The following BPTF variants were observed in gnomAD, a reference collection of about 807,000 sequenced individuals.
The protein encoded by BPTF is nucleosome-remodeling factor subunit BPTF.
BPTF carries 18 observed loss-of-function variants against 292.5 expected under a neutral mutation model. The observed-to-expected ratio is 0.06, with a 90% CI of 0.04 to 0.09. The LOEUF is 0.09. Among genes scored for constraint, BPTF ranks in the 10% least tolerant of loss-of-function variants. The pLI is 1.00. For synonymous variants in BPTF, 1,225 were observed against 1,251.9 expected (o/e 0.98, Z 0.45); for missense variants, 2,726 against 3,498.7 (o/e 0.78, Z 5.57).
At chr17:67,855,382 C>T (rs572838225) in intron 2 of BPTF, among the ~76,000 whole-genome samples, 3 of 152,316 alleles carry the variant, frequency 2.0e-5, no homozygotes, top group East Asian at 3.9e-4. Flanking sequence ...TATAGCCTAG[C>T]TCAGCTCATC....
intron 4 of BPTF, among the ~76,000 whole-genome samples, chr17:67,877,935 C>A (rs538650751): frequency 5.9e-5 from 9 of 152,302 alleles, no homozygotes; most frequent in African/African-American, 1.7e-4. Flanking sequence ...CACCCAGCAA[C>A]TTTAAAAAAT....
intron 2 of BPTF, among the ~76,000 whole-genome samples, chr17:67,857,477 T>G (rs2058769157): frequency 6.6e-6 from 1 of 151,164 alleles, no homozygotes; most frequent in African/African-American, 2.4e-5. Flanking sequence ...TTTTTTTTTT[T>G]TTTTGAAGAC....
intron 13 of BPTF, among the ~76,000 whole-genome samples, chr17:67,920,842 A>G (rs2063381948): frequency 6.6e-6 from 1 of 152,174 alleles, no homozygotes; most frequent in Non-Finnish European, 1.5e-5. Context: ...TGTAGTATCC[A>G]GATTGAAAAT....
At chr17:67,913,257 A>G (rs2062766009) in intron 11 of BPTF, 70 bp downstream of exon 11, 2 of 1,483,498 alleles carry the variant, frequency 1.3e-6, no homozygotes, top group African/African-American at 1.4e-5. Flanking sequence ...AGAATATCTC[A>G]TTTTTAAAAA....
At chr17:67,970,191 C>T (rs181151674) in intron 26 of BPTF, among the ~76,000 whole-genome samples, 7 of 151,834 alleles carry the variant, frequency 4.6e-5, no homozygotes, top group Admixed American at 4.6e-4. Flanking sequence ...TGAGATCACG[C>T]CATTGCACTC....
intron 4 of BPTF, chr17:67,875,834 A>T: frequency 9.1e-7 from 1 of 1,099,336 alleles, no homozygotes; most frequent in South Asian, 3.4e-5. Context: ...ACCTTAAACT[A>T]TGTGTTCATT....
At chr17:67,971,074 G>A (rs2068705051) in intron 26 of BPTF, among the ~76,000 whole-genome samples, 3 of 152,012 alleles carry the variant, frequency 2.0e-5, no homozygotes, top group Admixed American at 2.0e-4. Context: ...GAGTAGCGGG[G>A]ATGTAGTATA....
At chr17:67,844,076 T>C (rs1382517769) in intron 1 of BPTF, among the ~76,000 whole-genome samples, 1 of 114,220 alleles carries the variant, frequency 8.8e-6, no homozygotes, top group Non-Finnish European at 1.6e-5. Context: ...CCGCCTTTTT[T>C]TTTTTTTTTT....
chr17:67,852,710 G>T (rs780665908), intron 1 of BPTF, among the ~76,000 whole-genome samples: 47 of 152,140 alleles, frequency 3.1e-4, no homozygotes, highest in Non-Finnish European at 5.9e-4. Context: ...TAAATATTTT[G>T]TACTTAAATG....
chr17:67,877,254 A>G (rs1037700558), intron 4 of BPTF, among the ~76,000 whole-genome samples: 1 of 152,160 alleles, frequency 6.6e-6, no homozygotes, highest in African/African-American at 2.4e-5. Flanking sequence ...GACTTAATAG[A>G]GTTCTGACCT....
At chr17:67,875,876 T>G (rs957071120) in intron 4 of BPTF, 2 of 707,530 alleles carry the variant, frequency 2.8e-6, no homozygotes, top group Non-Finnish European at 4.0e-6. Context: ...CATCCCCATT[T>G]GCTAAATTGT....
Position 67,928,335 on chromosome 17 carries a change from C to A in BPTF, c.5752-20C>A. 1 of 1,585,130 alleles carries A rather than the reference C, an allele frequency of 6.3e-7. No homozygotes were observed. The highest frequency in any genetic ancestry group is 8.6e-7 in the Non-Finnish European group (1 of 1,165,592). Reference sequence around the variant, plus strand: ...TTTAGAACTATTTTGATTCATGTTTCCTCTCCTTCACTTTTTTAGAAACGA... The same window carrying A: ...TTTAGAACTATTTTGATTCATGTTTACTCTCCTTCACTTTTTTAGAAACGA... On this transcript the variant is annotated intron_variant, in intron 15 of 27. Coordinates refer to ENST00000306378, the MANE Select transcript of BPTF (RefSeq NM_182641.4).
At chr17:67,859,734 G>A (rs2058962153) in intron 2 of BPTF, among the ~76,000 whole-genome samples, 1 of 152,184 alleles carries the variant, frequency 6.6e-6, no homozygotes, top group African/African-American at 2.4e-5. Context: ...TATCTGCAGT[G>A]AGTATTTATG....
At chr17:67,944,490 C>A in intron 20 of BPTF, 118 bp downstream of exon 20, 1 of 1,098,602 alleles carries the variant, frequency 9.1e-7, no homozygotes. Context: ...AGCCAGTGAC[C>A]TCAACAGTTG....
intron 3 of BPTF, among the ~76,000 whole-genome samples, chr17:67,873,872 C>A (rs886737591): frequency 1.3e-5 from 2 of 152,128 alleles, no homozygotes; most frequent in East Asian, 3.9e-4. Flanking sequence ...ACATCATTCT[C>A]CAATTTGTTC....
intron 1 of BPTF, among the ~76,000 whole-genome samples, chr17:67,844,231 G>A (rs1296058083): frequency 1.3e-5 from 2 of 150,678 alleles, no homozygotes; most frequent in African/African-American, 2.4e-5. Context: ...CTACAGGCAT[G>A]CACCACCATG....
intron 16 of BPTF, 176 bp from the exon 17 acceptor site, chr17:67,929,160 C>A: frequency 7.2e-7 from 1 of 1,381,738 alleles, no homozygotes; most frequent in South Asian, 1.8e-5. Context: ...TTTGCCAGAT[C>A]ATACTGTTGC....
intron 15 of BPTF, 95 bp downstream of exon 15, chr17:67,924,684 T>C: frequency 7.2e-7 from 1 of 1,388,800 alleles, no homozygotes. Flanking sequence ...GGGGAGTTGG[T>C]GCTGGTCCCA....
In BPTF at chr17:67,825,685, T is replaced by TC. The variant is rs1456826938; in HGVS notation, c.-35dup. The TC allele has an allele frequency of 9.2e-6, 1 of 108,358 alleles. No homozygotes were observed. Among genetic ancestry groups the TC allele is most frequent in the African/African-American group, 2.5e-4 (1 of 3,928 alleles). 6.7% of individuals were successfully genotyped at this position (108,358 alleles called of 1,614,324 possible). A position where few individuals can be genotyped will look rare whatever the true frequency, so the allele number is the denominator to read the frequency against. ...CCACCGCCCCCCCTGCGCCCGCCCC[T>TC]CCCCCTTCGCTTTCCTTCTCCCCCC... On this transcript the variant is annotated 5_prime_UTR_variant, in exon 1 of 28. Coordinates refer to ENST00000306378, the MANE Select transcript of BPTF (RefSeq NM_182641.4).
Sources: gnomAD v4.1 joint callset for allele counts (sites outside exome capture counted in the v4.1 genomes callset) on GRCh38, gnomAD v4.1.1 for gene constraint, MANE v1.5 for transcripts, NCBI Gene and HGNC (gene_info 2026-07-23, HGNC 2026-07-21) for gene names.